The following ACSM3 variants were observed in gnomAD, a reference collection of about 807,000 sequenced individuals.
ACSM3 encodes acyl-coenzyme A synthetase ACSM3, mitochondrial.
ACSM3 carries 61 observed loss-of-function variants against 74.1 expected under a neutral mutation model. The observed-to-expected ratio is 0.82, with a 90% CI of 0.67 to 1.02. The LOEUF is 1.02. Ranked by LOEUF, ACSM3 falls within the 50% of genes least tolerant of loss-of-function variation. ACSM3 has a pLI of 0.00. For synonymous variants in ACSM3, 213 were observed against 241.5 expected, an observed-to-expected ratio of 0.88 and a Z score of 1.09; for missense variants, 660 against 697.0, an observed-to-expected ratio of 0.95 and a Z score of 0.60.
rs1368547143 is a variant in ACSM3 at position 20,682,251 on chromosome 16, CT to C, written c.-190+7430del. On this transcript the variant is annotated intron_variant, in intron 1 of 3. Transcript: ENST00000561584. ...GAGATTATATTCATCAGACCAGAGA[CT>C]CACTTAACCAGCGATCGGAAGTCCA... 7 of 1,612,302 alleles carry C rather than the reference CT, an allele frequency of 4.3e-6. No individual in the cohort carries two copies. The South Asian group carries it at 6.6e-5, about 15-fold the overall frequency.
chr16:20,733,454 G>A (rs1024673130), intron 1 of ACSM3, among the ~76,000 whole-genome samples: 1 of 152,080 alleles, frequency 6.6e-6, no homozygotes, highest in East Asian at 1.9e-4. Flanking sequence ...TATTACTATG[G>A]CTCATTTTGA....
At chr16:20,692,219 C>T (rs932730890) in intron 1 of ACSM3, among the ~76,000 whole-genome samples, 1 of 152,156 alleles carries the variant, frequency 6.6e-6, no homozygotes. Context: ...GAACCTGGCC[C>T]GTGACACAGC....
At chr16:20,776,091 G>A (rs2080252910) in intron 3 of ACSM3, 42 bp downstream of exon 3, 2 of 1,596,798 alleles carry the variant, frequency 1.3e-6, no homozygotes, top group Admixed American at 1.7e-5. Context: ...TTACTAAGCT[G>A]GAGGGGAGAT....
chr16:20,753,786 C>T (rs1393716374), intron 2 of ACSM3, among the ~76,000 whole-genome samples: 1 of 151,472 alleles, frequency 6.6e-6, no homozygotes, highest in Non-Finnish European at 1.5e-5. Flanking sequence ...TTTATTTTCA[C>T]ATGGGAAATA....
chr16:20,717,959 A>AGAG (rs1249114995), intron 1 of ACSM3, among the ~76,000 whole-genome samples: 2,706 of 50,942 alleles, frequency 0.053, 16 homozygotes, highest in Non-Finnish European at 0.06. Flanking sequence ...AGGAAGAGGA[A>AGAG]GAAGAAGAAG....
chr16:20,729,384 G>T (rs1391616592), intron 1 of ACSM3: 2 of 1,260,094 alleles, frequency 1.6e-6, no homozygotes, highest in Non-Finnish European at 2.3e-6. Flanking sequence ...CTCTTAAGAG[G>T]CAAGGATTGA....
rs764618252 is a variant in ACSM3 at position 20,737,315 on chromosome 16, TGAG to T, written c.-189-12589_-189-12587del. On this transcript the variant is annotated intron_variant, in intron 1 of 3. Coordinates refer to the ACSM3 transcript ENST00000561584. ...TAACAAAAACAGAAAAACACATAGC[TGAG>T]GAGGATACCATTACATCTGATAGAT... is the stretch of plus-strand genomic sequence containing the variant. The T allele has an allele frequency of 5.7e-6, 9 of 1,577,474 alleles. No individual in the cohort carries two copies. The East Asian group carries it at 1.6e-4, about 27-fold the overall frequency.
chr16:20,764,249 A>G (rs1262787459), intron 1 of ACSM3, 124 bp downstream of exon 1: 1 of 152,232 alleles, frequency 6.6e-6, no homozygotes, highest in Non-Finnish European at 1.5e-5. Flanking sequence ...AGTCTTGGGC[A>G]GCCAAAGTTT....
At chr16:20,768,191 G>T (rs1388378155) in intron 1 of ACSM3, among the ~76,000 whole-genome samples, 1 of 152,158 alleles carries the variant, frequency 6.6e-6, no homozygotes, top group Admixed American at 6.5e-5. Context: ...CTCTGATGGA[G>T]GTTCTATTAG....
chr16:20,736,379 A>T (rs1331052470), intron 1 of ACSM3: 1 of 23,106 alleles, frequency 4.3e-5, no homozygotes, highest in South Asian at 2.3e-3. Flanking sequence ...CACAAATGTT[A>T]AAAAAAAAAA....
At chr16:20,740,971 A>C (rs1260094375) in intron 1 of ACSM3, among the ~76,000 whole-genome samples, 1 of 152,176 alleles carries the variant, frequency 6.6e-6, no homozygotes, top group Non-Finnish European at 1.5e-5. Flanking sequence ...AGCAATCCTT[A>C]AGTGGGAGGT....
Position 20,777,457 on chromosome 16 carries a change from T to C in ACSM3, c.515T>C (p.Ile172Thr). 6.2e-7 allele frequency: 1 copy of C among 1,614,044 alleles called. No homozygotes were observed. The highest frequency in any genetic ancestry group is 8.5e-7 in the Non-Finnish European group (1 of 1,179,938). Residue 172 changes from isoleucine to threonine, a missense_variant, in exon 4 of 14, where the codon ATC (isoleucine) becomes ACC (threonine). By Grantham distance (89) the Ile-to-Thr change is moderately conservative (BLOSUM62 -1). Coordinates refer to ENST00000289416, the MANE Select transcript of ACSM3 (RefSeq NM_005622.4). ...CAATCTTCAAAAGCAAACTGCATTA[T>C]CACCAATGATGTTTTAGCCCCAGCA... ...RLQSSKANCI[I>T]TNDVLAPAVD...
At chr16:20,776,196 A>G in intron 3 of ACSM3, 147 bp downstream of exon 3, 1 of 829,148 alleles carries the variant, frequency 1.2e-6, no homozygotes, top group Non-Finnish European at 1.9e-6. Context: ...AGGCCGTGGT[A>G]GGCTAATTCC....
chr16:20,678,011 A>AAAATAAATAAATAAATAAATAAATAAAT (rs146714630), intron 1 of ACSM3, among the ~76,000 whole-genome samples: 168 of 143,820 alleles, frequency 1.2e-3, no homozygotes, highest in East Asian at 3.3e-3. Context: ...ACTAAAGGCT[A>AAAATAAATAAATAAATAAATAAATAAAT]AAATAAATAA....
chr16:20,781,905 T>G, intron 7 of ACSM3, 118 bp downstream of exon 7: 1 of 716,932 alleles, frequency 1.4e-6, no homozygotes, highest in South Asian at 1.7e-5. Context: ...GATTTAGCAA[T>G]CTCTCCTCTT....
At chr16:20,785,794 T>C (rs921769879) in intron 8 of ACSM3, among the ~76,000 whole-genome samples, 1 of 152,076 alleles carries the variant, frequency 6.6e-6, no homozygotes, top group African/African-American at 2.4e-5. Context: ...AATTGAAAAA[T>C]TCATTAACTA....
chr16:20,792,303 G>A lies in ACSM3; in HGVS notation c.1522G>A (p.Val508Ile). 1 of 1,614,114 alleles carries A rather than the reference G, an allele frequency of 6.2e-7. No homozygotes were observed. The highest frequency in any genetic ancestry group is 8.5e-7 in the Non-Finnish European group (1 of 1,179,952). Residue 508 changes from valine (V) to isoleucine (I), a missense_variant, in exon 12 of 14, where the codon GTT (valine) becomes ATT (isoleucine). Val to Ile is a conservative substitution (Grantham distance 29, BLOSUM62 3). Transcript: ENST00000289416. ...ACACCCTTCAGTTGCAGAGTCAGCT[G>A]TTGTCAGCAGCCCAGACCCCATCAG... is the stretch of plus-strand genomic sequence containing the variant. Reference protein sequence around the residue: ...NEHPSVAESAVVSSPDPIRGE... With the variant: ...NEHPSVAESAIVSSPDPIRGE...
intron 1 of ACSM3, among the ~76,000 whole-genome samples, chr16:20,714,384 T>C (rs1323549473): frequency 6.6e-6 from 1 of 152,040 alleles, no homozygotes; most frequent in Non-Finnish European, 1.5e-5. Flanking sequence ...GGGATGCCAT[T>C]GATGGGTTTA....
chr16:20,724,929 A>T (rs2079799309), intron 1 of ACSM3, among the ~76,000 whole-genome samples: 2 of 152,170 alleles, frequency 1.3e-5, no homozygotes. Context: ...GTAGGAAGAA[A>T]CAATATCGTG....
Sources: gnomAD v4.1 joint callset for allele counts (sites outside exome capture counted in the v4.1 genomes callset) on GRCh38, gnomAD v4.1.1 for gene constraint, MANE v1.5 for transcripts, NCBI Gene and HGNC (gene_info 2026-07-23, HGNC 2026-07-21) for gene names.